COG6: variants seen among roughly 807,000 people sequenced by gnomAD.
The protein encoded by COG6 is conserved oligomeric Golgi complex subunit 6.
Under a neutral mutation model 88.8 loss-of-function variants are expected in COG6, and 74 were observed. The observed-to-expected ratio is 0.83, with a 90% confidence interval of 0.69 to 1.01. COG6 has a LOEUF of 1.01. Among genes scored for constraint, COG6 ranks in the 50% least tolerant of loss-of-function variants. COG6 has a pLI of 0.00. For missense variants in COG6, 800 were observed against 797.9 expected (o/e 1.00, Z -0.03); for synonymous variants, 286 against 278.7 (o/e 1.03, Z -0.26).
rs149344981 is a variant in COG6 at position 39,767,075 on chromosome 13, C to T, written c.1827-21260C>T. Among the ~76,000 whole-genome samples the T allele has an allele frequency of 3.7e-3, 570 of 152,262 alleles. 4 individuals are homozygous for T. Among genetic ancestry groups the T allele is most frequent in the African/African-American group, 0.013 (532 of 41,544 alleles). On this transcript the variant is annotated intron_variant, in intron 18 of 18. Coordinates refer to the COG6 transcript ENST00000416691. ...TACAGGTTAGGGCTGGGGTATGGAA[C>T]TCTACCCCCTTCCTTCTCTATTTGT...
downstream of COG6, among the ~76,000 whole-genome samples, chr13:39,756,355 G>GA (rs937267911): frequency 7.3e-5 from 11 of 149,896 alleles, no homozygotes; most frequent in South Asian, 4.2e-4. Context: ...GGAAAAGGAA[G>GA]AAAAAAAAAT....
At chr13:39,779,038 C>T (rs560159465) in intron 18 of COG6, among the ~76,000 whole-genome samples, 2 of 152,320 alleles carry the variant, frequency 1.3e-5, no homozygotes, top group East Asian at 3.9e-4. Flanking sequence ...TTATACTCCA[C>T]TTTTTGAAGA....
intron 18 of COG6, among the ~76,000 whole-genome samples, chr13:39,773,177 G>C (rs186413259): frequency 9.4e-4 from 143 of 152,340 alleles, no homozygotes; most frequent in South Asian, 4.1e-3. Flanking sequence ...TAGCCTGTCT[G>C]TCTTCAAGGC....
chr13:39,673,633 G>T (rs1875781707), intron 4 of COG6, among the ~76,000 whole-genome samples: 1 of 151,750 alleles, frequency 6.6e-6, no homozygotes, highest in Non-Finnish European at 1.5e-5. Flanking sequence ...TTAGGTAAAA[G>T]GAATCTTTTA....
intron 16 of COG6, 51 bp from the exon 17 acceptor site, chr13:39,724,457 A>G (rs762500434): frequency 4.4e-6 from 6 of 1,357,350 alleles, no homozygotes; most frequent in Non-Finnish European, 6.2e-6. Flanking sequence ...TGAAATGTAT[A>G]TCTCCTTTTT....
chr13:39,790,462 G>A (rs922030061), exon 19 of COG6: 1 of 152,062 alleles, frequency 6.6e-6, no homozygotes, highest in Non-Finnish European at 1.5e-5. Flanking sequence ...CAAAGCATGA[G>A]TCTAGTATCT....
chr13:39,675,099 A>G (rs1048677590), intron 4 of COG6, among the ~76,000 whole-genome samples: 1 of 152,044 alleles, frequency 6.6e-6, no homozygotes, highest in Non-Finnish European at 1.5e-5. Flanking sequence ...ATTATTATTT[A>G]TTTATATAAT....
At chr13:39,676,049 A>G (rs1194853654) in intron 4 of COG6, among the ~76,000 whole-genome samples, 1 of 152,116 alleles carries the variant, frequency 6.6e-6, no homozygotes, top group Non-Finnish European at 1.5e-5. Flanking sequence ...ACAATATTCA[A>G]ACTCTTCGCT....
chr13:39,750,445 A>T (rs1880562030), intron 18 of COG6, among the ~76,000 whole-genome samples: 1 of 152,180 alleles, frequency 6.6e-6, no homozygotes, highest in Non-Finnish European at 1.5e-5. Context: ...GCTTGGGGTG[A>T]TATAGAGAGA....
rs910356132 is a variant in COG6, at chr13:39,733,927, G to A, written c.1826+6379G>A. ...TCTAAGCTTATAGTTGCTCATAGTAGCCTATAATGAGCCTTTGAATTTCTG... is the reference window on the plus strand; with the variant it reads ...TCTAAGCTTATAGTTGCTCATAGTAACCTATAATGAGCCTTTGAATTTCTG... On this transcript the variant is annotated intron_variant, in intron 18 of 18. Transcript: ENST00000455146. 2.6e-5 allele frequency among the ~76,000 whole-genome samples: 4 copies of A among 152,088 alleles called. 1 individual carries two copies. The highest frequency in any genetic ancestry group is 4.4e-5 in the Non-Finnish European group (3 of 68,020).
intron 18 of COG6, 50 bp downstream of exon 18, chr13:39,727,598 A>G: frequency 7.8e-7 from 1 of 1,287,006 alleles, no homozygotes; most frequent in South Asian, 1.2e-5. Context: ...ATATTTTTAA[A>G]TATCAAGTAC....
intron 18 of COG6, among the ~76,000 whole-genome samples, chr13:39,767,888 G>A (rs937694338): frequency 1.3e-5 from 2 of 152,196 alleles, no homozygotes; most frequent in Non-Finnish European, 2.9e-5. Flanking sequence ...TGCTAAACTG[G>A]AGCTTTGATT....
chr13:39,676,500 C>A (rs1263236483), intron 4 of COG6, among the ~76,000 whole-genome samples: 1 of 152,074 alleles, frequency 6.6e-6, no homozygotes, highest in East Asian at 1.9e-4. Context: ...ATCTTTGCTG[C>A]CACCTGGAGG....
At chr13:39,708,586 T>TTG (rs761786695) in intron 13 of COG6, among the ~76,000 whole-genome samples, 41 of 151,788 alleles carry the variant, frequency 2.7e-4, no homozygotes, top group African/African-American at 6.3e-4. Context: ...CAAGTTTAAT[T>TTG]TGTGTGTGTG....
chr13:39,714,490 A>G (rs1000948591), intron 13 of COG6, among the ~76,000 whole-genome samples: 2 of 152,314 alleles, frequency 1.3e-5, no homozygotes. Flanking sequence ...TCTCAAAAGA[A>G]GATATACAGA....
intron 18 of COG6, among the ~76,000 whole-genome samples, chr13:39,761,767 G>GAA (rs200459463): frequency 1.3e-4 from 18 of 136,698 alleles, no homozygotes; most frequent in African/African-American, 4.6e-4. Context: ...ACAGGTATAT[G>GAA]AAAAAAAAAA....
chr13:39,733,173 A>G (rs1053434065), intron 18 of COG6, among the ~76,000 whole-genome samples: 4 of 152,016 alleles, frequency 2.6e-5, no homozygotes, highest in African/African-American at 9.7e-5. Context: ...AGAAATGGGT[A>G]CAAAAAGAAA....
intron 1 of COG6, 149 bp downstream of exon 1, chr13:39,656,028 T>C (rs1874464414): frequency 9.5e-7 from 1 of 1,050,742 alleles, no homozygotes. Context: ...TCCGCTGCTC[T>C]GCGGGCGCCG....
chr13:39,691,320 A>T (rs942387484), intron 11 of COG6, among the ~76,000 whole-genome samples: 9 of 151,946 alleles, frequency 5.9e-5, no homozygotes, highest in Non-Finnish European at 1.5e-5. Flanking sequence ...TTTAAAATGT[A>T]CTTAGAAATT....
Sources: allele counts gnomAD v4.1 joint callset (sites outside exome capture counted in the v4.1 genomes callset), GRCh38; gene constraint gnomAD v4.1.1; transcripts MANE v1.5; gene names NCBI Gene and HGNC (gene_info 2026-07-23, HGNC 2026-07-21).